Variants in SEC31B observed in about 807,000 individuals in gnomAD.
The protein encoded by SEC31B is protein transport protein Sec31B.
Under a neutral mutation model 135.0 loss-of-function variants are expected in SEC31B, and 113 were observed. The observed-to-expected ratio is 0.84, with a 90% CI of 0.72 to 0.98. SEC31B has a LOEUF of 0.98. Ranked by LOEUF, SEC31B falls within the 50% of genes least tolerant of loss-of-function variation. SEC31B has a pLI of 0.00. For missense variants in SEC31B, 1,296 were observed against 1,421.1 expected, an observed-to-expected ratio of 0.91 and a Z score of 1.42; for synonymous variants, 508 against 549.4, an observed-to-expected ratio of 0.92 and a Z score of 1.05.
intron 20 of SEC31B, 89 bp downstream of exon 20, chr10:100,490,617 T>A: frequency 7.6e-7 from 1 of 1,321,436 alleles, no homozygotes. Context: ...TAGACAGACA[T>A]ACAGCTTCCC....
chr10:100,502,575 T>C (rs1851544131), intron 10 of SEC31B, 91 bp from the exon 11 acceptor site: 2 of 766,006 alleles, frequency 2.6e-6, no homozygotes, highest in Non-Finnish European at 4.2e-6. Flanking sequence ...ATCTAATGGC[T>C]GACCCTAGGC....
In SEC31B at chr10:100,487,204, T is replaced by TTAAA; in HGVS notation, c.*411_*412insTTTA. 1 of 200,968 alleles carries TTAAA rather than the reference T, an allele frequency of 5.0e-6. No individual in the cohort carries two copies. The highest frequency in any genetic ancestry group is 1.0e-5 in the Non-Finnish European group (1 of 98,872). The allele number at this position is 200,968 out of a possible 1,614,324, so 12.4% of individuals were successfully genotyped here. A position where few individuals can be genotyped will look rare whatever the true frequency, so the allele number is the denominator to read the frequency against. The stretch of plus-strand genomic sequence containing the variant: ...CAGGGAAAAGGTAAGGGCAGGCTCA[T>TTAAA]AAACCACAGAAGGGAGAAACAAAAG... On this transcript the variant is annotated 3_prime_UTR_variant, in exon 26 of 26. Transcript: ENST00000370345.
At position 100,489,392 on chromosome 10, in the gene SEC31B, C is replaced by G; in HGVS notation, c.3031G>C (p.Glu1011Gln). 6.2e-7 allele frequency: 1 copy of G among 1,613,658 alleles called. No homozygotes were observed. Among genetic ancestry groups the G allele is most frequent in the Middle Eastern group, 1.7e-4 (1 of 5,996 alleles). The change falls in exon 23 of 26, where the codon GAG (glutamate) becomes CAG (glutamine). Residue 1011 changes from glutamate (E) to glutamine (Q), a missense_variant. Transcript: ENST00000370345. The stretch of plus-strand genomic sequence containing the variant: ...ATTGGTGCTGGGGGCATAAATGTCT[C>G]TGGCAGCTAAAGAGACAGAAGGAAA... ...RGNLQRNKLP[E>Q]TFMPPAPITA...
intron 24 of SEC31B, 80 bp downstream of exon 24, chr10:100,488,778 A>T: frequency 6.7e-7 from 1 of 1,482,492 alleles, no homozygotes; most frequent in Non-Finnish European, 9.0e-7. Context: ...AGAGTCACAC[A>T]AGGAACTGGT....
chr10:100,496,372 A>C lies in SEC31B; in HGVS notation c.2196T>G (p.His732Gln). 6.2e-7 allele frequency: 1 copy of C among 1,614,144 alleles called. No homozygotes were observed. The highest frequency in any genetic ancestry group is 1.1e-5 in the South Asian group (1 of 91,082). Residue 732 changes from histidine to glutamine, a missense_variant, in exon 18 of 26, where the codon CAT becomes CAG. Coordinates refer to ENST00000370345, the MANE Select transcript of SEC31B (RefSeq NM_015490.4). Reference sequence around the variant, plus strand: ...TTGTGGCAGGGCCTGGGCTCACCCCATGAGGACCCCGCAGTTGCTCCAAGC... The same window carrying C: ...TTGTGGCAGGGCCTGGGCTCACCCCCTGAGGACCCCGCAGTTGCTCCAAGC... ...NRSLEQLRGP[H>Q]GVSPGPATTY... is the part of the protein sequence containing the mutation.
chr10:100,516,781 G>C (rs1851858396), intron 2 of SEC31B, 93 bp downstream of exon 2: 2 of 967,372 alleles, frequency 2.1e-6, no homozygotes, highest in South Asian at 2.9e-5. Flanking sequence ...TGATCTGAGA[G>C]CTTTCTCTGA....
chr10:100,506,230 C>T, intron 8 of SEC31B, 29 bp from the exon 9 acceptor site: 1 of 1,614,136 alleles, frequency 6.2e-7, no homozygotes, highest in Non-Finnish European at 8.5e-7. Flanking sequence ...CCATTAGGGA[C>T]AGTCCATGAA....
intron 16 of SEC31B, 186 bp from the exon 17 acceptor site, chr10:100,497,466 A>G: frequency 6.8e-7 from 1 of 1,472,590 alleles, no homozygotes; most frequent in Non-Finnish European, 9.0e-7. Context: ...AGACAAGGTA[A>G]AACAGGACAA....
intron 5 of SEC31B, chr10:100,508,589 A>G (rs1307957246): frequency 2.2e-6 from 1 of 446,130 alleles, no homozygotes; most frequent in African/African-American, 2.0e-5. Context: ...AGAGCCACAT[A>G]CAGGGAGAAC....
chr10:100,514,596 A>C (rs1851792908), intron 3 of SEC31B, among the ~76,000 whole-genome samples: 1 of 152,082 alleles, frequency 6.6e-6, no homozygotes, highest in Admixed American at 6.5e-5. Flanking sequence ...TGCTCTCATA[A>C]AGTGATGCAG....
intron 3 of SEC31B, among the ~76,000 whole-genome samples, chr10:100,512,844 C>G (rs1380145666): frequency 2.0e-5 from 3 of 152,210 alleles, no homozygotes; most frequent in Non-Finnish European, 4.4e-5. Context: ...TAGAAGTTAT[C>G]TGGTACAATC....
intron 7 of SEC31B, 66 bp downstream of exon 7, chr10:100,507,359 G>C: frequency 1.3e-6 from 2 of 1,593,138 alleles, no homozygotes; most frequent in Non-Finnish European, 1.7e-6. Context: ...GGGATACATT[G>C]CCTCCTACCC....
chr10:100,498,926 A>G lies in SEC31B; in HGVS notation c.1585-122T>C, dbSNP rs932633149. The G allele has an allele frequency of 4.3e-5, 34 of 786,226 alleles. No individual in the cohort carries two copies. In the African/African-American group the frequency reaches 5.5e-4, roughly 13 times the overall value. The allele number at this position is 786,226 out of a possible 1,614,324, so 48.7% of individuals were successfully genotyped here. A position where few individuals can be genotyped will look rare whatever the true frequency, so the allele number is the denominator to read the frequency against. On this transcript the variant is annotated intron_variant, in intron 13 of 25. Coordinates refer to ENST00000370345, the MANE Select transcript of SEC31B (RefSeq NM_015490.4). ...AATGGGTAAAACTAAAAAAATAGCC[A>G]GGTAAGGTTTGGGGAGGGCCATAGT...
chr10:100,500,075 G>C (rs1851489674), intron 11 of SEC31B: 1 of 456,582 alleles, frequency 2.2e-6, no homozygotes, highest in Non-Finnish European at 4.4e-6. Flanking sequence ...GGCTCTTGTG[G>C]GCAAGAAGCT....
chr10:100,490,402 A>G (rs1197924186), intron 20 of SEC31B, 80 bp from the exon 21 acceptor site: 2 of 1,365,488 alleles, frequency 1.5e-6, no homozygotes, highest in East Asian at 5.2e-5. Context: ...GAGAAACAGG[A>G]TTGCAATAAA....
intron 1 of SEC31B, among the ~76,000 whole-genome samples, chr10:100,517,511 G>A (rs560928662): frequency 1.4e-3 from 219 of 152,280 alleles, no homozygotes; most frequent in Non-Finnish European, 2.5e-3. Context: ...ACAGGCATGT[G>A]CCACCATGCC....
chr10:100,516,889 A>G lies in SEC31B; in HGVS notation c.64T>C (p.Leu22=), dbSNP rs1314728245. Residue 22 remains leucine, a synonymous_variant, in exon 2 of 26, where the codon TTG becomes CTG. Transcript: ENST00000370345. The part of the protein sequence containing the change: ...QAWSPASQYP[L]YLATGTSAQQ... ...GTCACCATACCTGTGGCCAGATACA[A>G]AGGGTATTGGCTGGCTGGGCTCCAT... The G allele has an allele frequency of 6.2e-7, 1 of 1,613,774 alleles. No individual in the cohort carries two copies. Among genetic ancestry groups the G allele is most frequent in the African/African-American group, 1.3e-5 (1 of 74,898 alleles).
At chr10:100,496,747 G>A (rs937296566) in intron 17 of SEC31B, among the ~76,000 whole-genome samples, 2 of 152,134 alleles carry the variant, frequency 1.3e-5, no homozygotes, top group Admixed American at 1.3e-4. Context: ...CAGACTAATT[G>A]TTTCATGTGC....
At chr10:100,507,364 C>T (rs1851651151) in intron 7 of SEC31B, 61 bp downstream of exon 7, 2 of 1,605,812 alleles carry the variant, frequency 1.2e-6, no homozygotes, top group African/African-American at 1.3e-5. Context: ...ACATTGCCTC[C>T]TACCCAGCCC....
Sources: gnomAD v4.1 joint callset for allele counts (sites outside exome capture counted in the v4.1 genomes callset) on GRCh38, gnomAD v4.1.1 for gene constraint, MANE v1.5 for transcripts, NCBI Gene and HGNC (gene_info 2026-07-23, HGNC 2026-07-21) for gene names.